ME1: variants seen among roughly 807,000 people sequenced by gnomAD.
The protein encoded by ME1 is malic enzyme 1, also known as NADP-dependent malic enzyme.
Under a neutral mutation model 66.4 loss-of-function variants are expected in ME1, and 74 were observed. The ratio of observed to expected loss-of-function variants is 1.11; its 90% CI spans 0.92 to 1.35. The LOEUF is 1.35. Ranked by LOEUF, ME1 falls within the 40% of genes most tolerant of loss-of-function variation. ME1 has a pLI of 0.00. For synonymous variants in ME1, 251 were observed against 235.6 expected (o/e 1.07, Z -0.60); for missense variants, 750 against 694.1 (o/e 1.08, Z -0.90).
At chr6:83,290,950 T>G (rs111955158) in intron 6 of ME1, among the ~76,000 whole-genome samples, 1 of 152,088 alleles carries the variant, frequency 6.6e-6, no homozygotes, top group Admixed American at 6.5e-5. Context: ...CCCTGCTTTT[T>G]TTTTGCTTTG....
Position 83,211,498 on chromosome 6 carries a change from G to A in ME1, c.*426C>T, listed in dbSNP as rs1789869370. ...GTAGTGTTATTTCTGCTTAGCAAAA[G>A]TTCACCTACGCCTAGATTCATTTCT... On this transcript the variant is annotated 3_prime_UTR_variant, in exon 14 of 14. Transcript: ENST00000369705. The A allele has an allele frequency of 2.0e-5, 3 of 149,896 alleles. No individual in the cohort carries two copies. The Admixed American group carries it at 2.0e-4, about 10-fold the overall frequency. The allele number at this position is 149,896 out of a possible 1,614,324, so 9.3% of individuals were successfully genotyped here.
Position 83,430,978 on chromosome 6 carries a change from G to T in ME1, c.-24C>A. On this transcript the variant is annotated 5_prime_UTR_variant, in exon 1 of 14. Transcript: ENST00000369705. ...ATGGCTGGCGCCGGGTTCGGCGGCG[G>T]GGTCAGGCCGGGGCGGGCCGCACGC... The T allele has an allele frequency of 1.3e-6, 2 of 1,485,840 alleles. No homozygotes were observed. Among genetic ancestry groups the T allele is most frequent in the South Asian group, 2.6e-5 (2 of 77,078 alleles). The allele number at this position is 1,485,840 out of a possible 1,614,324, so 92.0% of individuals were successfully genotyped here. A position where few individuals can be genotyped will look rare whatever the true frequency, so the allele number is the denominator to read the frequency against.
At chr6:83,289,193 C>T (rs954963255) in intron 6 of ME1, among the ~76,000 whole-genome samples, 1 of 152,090 alleles carries the variant, frequency 6.6e-6, no homozygotes, top group Non-Finnish European at 1.5e-5. Context: ...TAGGTTGAAT[C>T]GAAGTGGTGA....
At chr6:83,213,797 A>G (rs1789943759) in intron 13 of ME1, among the ~76,000 whole-genome samples, 1 of 152,234 alleles carries the variant, frequency 6.6e-6, no homozygotes, top group South Asian at 2.1e-4. Context: ...TAAGGTTATG[A>G]ATACTGTGCT....
Position 83,352,132 on chromosome 6 carries a change from A to T in ME1, c.370T>A (p.Phe124Ile). 2.0e-6 allele frequency: 3 copies of T among 1,524,116 alleles called. No individual in the cohort carries two copies. The highest frequency in any genetic ancestry group is 2.7e-6 in the Non-Finnish European group (3 of 1,128,414). 94.4% of individuals were successfully genotyped at this position (1,524,116 alleles called of 1,614,324 possible). ...SLVFRKPRGL[F>I]ITIHDRGHIA... ...TGCCCTCGATCGTGGATAGTAATAA[A>T]GAGACCTCTGCAGAAAAAAAAAAAA... The change falls in exon 4 of 14, where the codon TTT (phenylalanine) becomes ATT (isoleucine). Residue 124 changes from phenylalanine to isoleucine, a missense_variant. By Grantham distance (21) the Phe-to-Ile change is conservative. Coordinates refer to ENST00000369705, the MANE Select transcript of ME1 (RefSeq NM_002395.6).
chr6:83,383,566 G>A (rs1032818817), intron 3 of ME1, among the ~76,000 whole-genome samples: 5 of 151,810 alleles, frequency 3.3e-5, no homozygotes, highest in African/African-American at 1.2e-4. Context: ...ATCTCATCAG[G>A]CAGATGGCAT....
chr6:83,309,454 C>A (rs1348934387), intron 6 of ME1, among the ~76,000 whole-genome samples: 1 of 152,100 alleles, frequency 6.6e-6, no homozygotes, highest in Non-Finnish European at 1.5e-5. Context: ...GTAATTCCAA[C>A]ATTTTTAGTC....
In ME1 at chr6:83,279,048, C is replaced by A. The variant is rs376413920; in HGVS notation, c.705-25310G>T. ...CAACAGGGCTCTGGTATAATAACAG[C>A]AGATTACAGCTAAAACAAATTCTAG... On this transcript the variant is annotated intron_variant, in intron 6 of 13. Coordinates refer to ENST00000369705, the MANE Select transcript of ME1 (RefSeq NM_002395.6). 6.6e-5 allele frequency among the ~76,000 whole-genome samples: 10 copies of A among 152,234 alleles called. No individual in the cohort carries two copies. The East Asian group carries it at 1.7e-3, about 26-fold the overall frequency.
At chr6:83,402,888 A>G (rs1420302837) in intron 2 of ME1, among the ~76,000 whole-genome samples, 1 of 152,246 alleles carries the variant, frequency 6.6e-6, no homozygotes, top group Non-Finnish European at 1.5e-5. Flanking sequence ...ATTAAAGAAA[A>G]AGAAGACTGT....
chr6:83,271,236 C>T (rs1471943419), intron 6 of ME1, among the ~76,000 whole-genome samples: 2 of 151,956 alleles, frequency 1.3e-5, no homozygotes, highest in African/African-American at 2.4e-5. Context: ...CCAGAAAATT[C>T]GAAAGGGATA....
In ME1 at chr6:83,237,276, AAAGGAAGGAAGGAAG is replaced by A. The variant is rs1453175779; in HGVS notation, c.1026+426_1026+440del. Among the ~76,000 whole-genome samples the A allele has an allele frequency of 2.8e-3, 206 of 73,688 alleles. 6 individuals are homozygous for A. Among genetic ancestry groups the A allele is most frequent in the Admixed American group, 3.7e-3 (26 of 6,994 alleles). The allele number at this position is 73,688 out of a possible 152,430, so 48.3% of individuals were successfully genotyped here. A position where few individuals can be genotyped will look rare whatever the true frequency, so the allele number is the denominator to read the frequency against. ...GAAAGAAAGAAAGAAAGAAAGAAAGAAAGGAAGGAAGGAAGGAAAGAAAGAAAAAGAAAGAAAGAA... is the reference window on the plus strand; with the variant it reads ...GAAAGAAAGAAAGAAAGAAAGAAAGAGAAAGAAAGAAAAAGAAAGAAAGAA... On this transcript the variant is annotated intron_variant, in intron 9 of 13. Transcript: ENST00000369705.
At chr6:83,407,275 A>T (rs1769964731) in intron 2 of ME1, among the ~76,000 whole-genome samples, 1 of 152,194 alleles carries the variant, frequency 6.6e-6, no homozygotes, top group South Asian at 2.1e-4. Flanking sequence ...TGCTAGTGAG[A>T]TAGAGCCTGA....
intron 6 of ME1, among the ~76,000 whole-genome samples, chr6:83,271,022 TA>T (rs574960807): frequency 0.12 from 14,503 of 119,994 alleles, 699 homozygotes; most frequent in East Asian, 0.16. Context: ...GGTGAAGGAG[TA>T]AAAAAAAAAA....
intron 6 of ME1, among the ~76,000 whole-genome samples, chr6:83,294,197 A>T (rs1419931635): frequency 6.6e-6 from 1 of 152,240 alleles, no homozygotes; most frequent in Non-Finnish European, 1.5e-5. Context: ...ACAAATATAC[A>T]ACTACTCTGT....
At chr6:83,380,399 T>C (rs1769374159) in intron 3 of ME1, among the ~76,000 whole-genome samples, 1 of 152,040 alleles carries the variant, frequency 6.6e-6, no homozygotes, top group African/African-American at 2.4e-5. Context: ...GAGAATGACA[T>C]AATTAGATAT....
At chr6:83,291,832 T>C (rs1413057431) in intron 6 of ME1, among the ~76,000 whole-genome samples, 1 of 152,174 alleles carries the variant, frequency 6.6e-6, no homozygotes, top group African/African-American at 2.4e-5. Flanking sequence ...TCACTCTTTT[T>C]TCTCTAATCT....
chr6:83,223,221 G>T (rs9449594), intron 12 of ME1, among the ~76,000 whole-genome samples: 28,169 of 152,054 alleles, frequency 0.19, 3,655 homozygotes, highest in African/African-American at 0.36. Context: ...TAGTGCAATC[G>T]CAGCTCACTG....
chr6:83,383,892 A>G (rs1769453960), intron 3 of ME1, among the ~76,000 whole-genome samples: 1 of 151,952 alleles, frequency 6.6e-6, no homozygotes, highest in Admixed American at 6.6e-5. Flanking sequence ...ACTATTTTAT[A>G]AATTTTACCA....
chr6:83,343,863 T>C (rs1418148746), intron 5 of ME1, among the ~76,000 whole-genome samples: 2 of 152,200 alleles, frequency 1.3e-5, no homozygotes, highest in Non-Finnish European at 2.9e-5. Context: ...CTCTTTCATA[T>C]AATACAATCT....
Sources: allele counts gnomAD v4.1 joint callset (sites outside exome capture counted in the v4.1 genomes callset), GRCh38; gene constraint gnomAD v4.1.1; transcripts MANE v1.5; gene names NCBI Gene and HGNC (gene_info 2026-07-23, HGNC 2026-07-21).